ANKRD6: variants seen among roughly 807,000 people sequenced by gnomAD.
ANKRD6 encodes the protein ankyrin repeat domain 6.
A neutral mutation model predicts 82.3 loss-of-function variants in ANKRD6; 56 were observed. That is an observed-to-expected ratio of 0.68 (90% CI 0.55 to 0.85). The LOEUF (loss-of-function observed/expected upper bound fraction) is 0.85, where lower values mean the gene tolerates loss of function less well. Ranked by LOEUF, ANKRD6 falls within the 40% of genes least tolerant of loss-of-function variation. The pLI is 0.00. For synonymous variants in ANKRD6, 347 were observed against 352.1 expected, an observed-to-expected ratio of 0.99 and a Z score of 0.16; for missense variants, 852 against 907.6, an observed-to-expected ratio of 0.94 and a Z score of 0.79.
chr6:89,557,462 G>A (rs1204003139), intron 1 of ANKRD6, among the ~76,000 whole-genome samples: 1 of 152,202 alleles, frequency 6.6e-6, no homozygotes, highest in African/African-American at 2.4e-5. Flanking sequence ...CAGGAACCAA[G>A]GAGGAGGAAT....
intron 6 of ANKRD6, 101 bp downstream of exon 6, chr6:89,612,471 T>A: frequency 8.1e-7 from 1 of 1,230,800 alleles, no homozygotes. Context: ...GAAATTAAAA[T>A]GTAAAAAGTA....
intron 2 of ANKRD6, among the ~76,000 whole-genome samples, chr6:89,577,237 A>G (rs1038519296): frequency 1.3e-5 from 2 of 152,002 alleles, no homozygotes; most frequent in Non-Finnish European, 2.9e-5. Context: ...TGGGTCTTTG[A>G]CATCCCTCCA....
At chr6:89,438,873 C>G (rs556039791) in intron 1 of ANKRD6, among the ~76,000 whole-genome samples, 2 of 152,296 alleles carry the variant, frequency 1.3e-5, no homozygotes, top group African/African-American at 4.8e-5. Flanking sequence ...GAACTCCTGA[C>G]CTCAGGTGAT....
intron 9 of ANKRD6, among the ~76,000 whole-genome samples, chr6:89,618,594 A>C (rs1802221841): frequency 6.6e-6 from 1 of 152,232 alleles, no homozygotes; most frequent in Admixed American, 6.5e-5. Flanking sequence ...GACATTATCT[A>C]AGTAACAATA....
chr6:89,531,492 G>A (rs1163195919), intron 1 of ANKRD6, among the ~76,000 whole-genome samples: 1 of 152,228 alleles, frequency 6.6e-6, no homozygotes, highest in African/African-American at 2.4e-5. Context: ...TCTCCCCCTA[G>A]TGCAAGCCTT....
chr6:89,435,105 A>G (rs956480512), intron 1 of ANKRD6, among the ~76,000 whole-genome samples: 1 of 152,222 alleles, frequency 6.6e-6, no homozygotes, highest in Non-Finnish European at 1.5e-5. Flanking sequence ...ATGTAAAAGC[A>G]GACTGCCTGC....
At chr6:89,593,782 G>C (rs1795340449) in intron 2 of ANKRD6, among the ~76,000 whole-genome samples, 1 of 152,228 alleles carries the variant, frequency 6.6e-6, no homozygotes, top group Non-Finnish European at 1.5e-5. Context: ...AGTGAAACTT[G>C]TAGGGGAAAG....
At chr6:89,487,898 GC>G (rs1238518578) in intron 1 of ANKRD6, among the ~76,000 whole-genome samples, 1 of 152,226 alleles carries the variant, frequency 6.6e-6, no homozygotes, top group African/African-American at 2.4e-5. Context: ...TTGTGAAATA[GC>G]AAGTCAGTCT....
At chr6:89,566,595 C>T (rs528030476) in intron 1 of ANKRD6, among the ~76,000 whole-genome samples, 7 of 152,316 alleles carry the variant, frequency 4.6e-5, no homozygotes, top group East Asian at 1.9e-4. Flanking sequence ...CATACTCCTC[C>T]GGAGGATGTC....
In ANKRD6 at chr6:89,538,069, T is replaced by A. The variant is rs563401725; in HGVS notation, c.-143-28765T>A. On this transcript the variant is annotated intron_variant, in intron 1 of 15. Transcript: ENST00000339746. Reference sequence around the variant, plus strand: ...TAAAAAAACATAACCACAATATCTTTACCACACATTCAAAAAGTATCCTAA... The same window carrying A: ...TAAAAAAACATAACCACAATATCTTAACCACACATTCAAAAAGTATCCTAA... Among the ~76,000 whole-genome samples, 101 of 152,322 alleles carry A rather than the reference T, an allele frequency of 6.6e-4. 1 individual carries two copies. The highest frequency in any genetic ancestry group is 4.1e-4 in the South Asian group (2 of 4,828).
intron 2 of ANKRD6, among the ~76,000 whole-genome samples, chr6:89,578,019 C>T (rs1791529253): frequency 6.6e-6 from 1 of 152,170 alleles, no homozygotes; most frequent in Admixed American, 6.5e-5. Context: ...AGCACAAACC[C>T]CAGGGCCTCA....
At chr6:89,461,722 A>G (rs561142043) in intron 1 of ANKRD6, among the ~76,000 whole-genome samples, 4 of 152,336 alleles carry the variant, frequency 2.6e-5, no homozygotes, top group African/African-American at 9.6e-5. Flanking sequence ...TTTGAACTTC[A>G]TACGGCTGCA....
chr6:89,625,042 G>A (rs959727349), intron 13 of ANKRD6, among the ~76,000 whole-genome samples: 12 of 152,248 alleles, frequency 7.9e-5, no homozygotes, highest in African/African-American at 2.6e-4. Context: ...CAGCACTTTG[G>A]GAAGCCAAGG....
intron 1 of ANKRD6, among the ~76,000 whole-genome samples, chr6:89,519,783 A>G (rs1781676108): frequency 6.6e-6 from 1 of 152,202 alleles, no homozygotes; most frequent in Non-Finnish European, 1.5e-5. Flanking sequence ...CTTTACATGA[A>G]CCAGAGCAGA....
chr6:89,497,806 C>A (rs1778812939), intron 1 of ANKRD6, among the ~76,000 whole-genome samples: 1 of 152,146 alleles, frequency 6.6e-6, no homozygotes, highest in East Asian at 1.9e-4. Context: ...GTGCAACCAT[C>A]ATCAGAATCC....
At chr6:89,585,795 C>G (rs1337824566) in intron 2 of ANKRD6, among the ~76,000 whole-genome samples, 5 of 152,172 alleles carry the variant, frequency 3.3e-5, no homozygotes, top group African/African-American at 1.2e-4. Flanking sequence ...GTAGTCCCAG[C>G]TACTCAGGAG....
intron 1 of ANKRD6, among the ~76,000 whole-genome samples, chr6:89,462,014 C>T (rs189554047): frequency 2.0e-5 from 3 of 152,062 alleles, no homozygotes; most frequent in Non-Finnish European, 2.9e-5. Context: ...GGCGGATCAC[C>T]TGAGTTCAGG....
At chr6:89,558,302 C>T (rs768765394) in intron 1 of ANKRD6, among the ~76,000 whole-genome samples, 1 of 152,116 alleles carries the variant, frequency 6.6e-6, no homozygotes, top group Non-Finnish European at 1.5e-5. Context: ...ATTGCTGAAA[C>T]TTGGAAGCAA....
At chr6:89,558,465 G>A (rs755381244) in intron 1 of ANKRD6, among the ~76,000 whole-genome samples, 16 of 152,050 alleles carry the variant, frequency 1.1e-4, no homozygotes, top group African/African-American at 2.2e-4. Flanking sequence ...GAAATAAGCC[G>A]GTCTGAAAAG....
Sources: allele counts gnomAD v4.1 joint callset (sites outside exome capture counted in the v4.1 genomes callset), GRCh38; gene constraint gnomAD v4.1.1; transcripts MANE v1.5; gene names NCBI Gene and HGNC (gene_info 2026-07-23, HGNC 2026-07-21).